Variants in SPIDR observed in about 807,000 individuals in gnomAD.
SPIDR encodes the protein DNA repair-scaffolding protein.
Under a neutral mutation model 104.6 loss-of-function variants are expected in SPIDR, and 93 were observed. The ratio of observed to expected loss-of-function variants is 0.89; its 90% confidence interval spans 0.75 to 1.06. The LOEUF is 1.06. SPIDR is among the 50% of genes least tolerant of loss of function. The pLI is 0.00. For missense variants in SPIDR, 1,154 were observed against 1,111.2 expected (o/e 1.04, Z -0.55); for synonymous variants, 431 against 416.9 (o/e 1.03, Z -0.41).
intron 10 of SPIDR, chr8:47,661,077 C>A: frequency 4.2e-6 from 2 of 480,010 alleles, no homozygotes; most frequent in Non-Finnish European, 5.4e-6. Flanking sequence ...GTCTTATAGT[C>A]ATGAAAGTGG....
chr8:47,447,539 A>G (rs1400105824), intron 8 of SPIDR, among the ~76,000 whole-genome samples: 2 of 152,182 alleles, frequency 1.3e-5, no homozygotes. Context: ...TAGATGGAAT[A>G]TAATCCTGGT....
At chr8:47,507,280 C>G (rs945775978) in intron 8 of SPIDR, among the ~76,000 whole-genome samples, 23 of 152,322 alleles carry the variant, frequency 1.5e-4, no homozygotes, top group African/African-American at 5.3e-4. Flanking sequence ...ATGATATGTG[C>G]CCATAAAGCG....
chr8:47,726,760 G>A (rs2084305185), intron 16 of SPIDR, among the ~76,000 whole-genome samples: 3 of 152,082 alleles, frequency 2.0e-5, no homozygotes. Context: ...TGGGGACAGG[G>A]TCTTGCCCTG....
At chr8:47,537,168 A>G (rs1342336280) in intron 8 of SPIDR, among the ~76,000 whole-genome samples, 1 of 152,244 alleles carries the variant, frequency 6.6e-6, no homozygotes, top group East Asian at 1.9e-4. Flanking sequence ...TTGTTACAAA[A>G]ATACACATAT....
intron 2 of SPIDR, among the ~76,000 whole-genome samples, chr8:47,282,803 T>C (rs782602583): frequency 1.3e-5 from 2 of 152,204 alleles, no homozygotes; most frequent in South Asian, 4.1e-4. Context: ...TAGCCTATCT[T>C]AGTTTTTGTC....
intron 8 of SPIDR, among the ~76,000 whole-genome samples, chr8:47,544,066 T>G (rs2088785168): frequency 6.6e-6 from 1 of 152,152 alleles, no homozygotes; most frequent in African/African-American, 2.4e-5. Context: ...TTTTTTAGGG[T>G]TTCTCTGTGG....
At chr8:47,542,338 A>G (rs1455546223) in intron 8 of SPIDR, among the ~76,000 whole-genome samples, 1 of 152,128 alleles carries the variant, frequency 6.6e-6, no homozygotes, top group East Asian at 1.9e-4. Flanking sequence ...GAATGTAACC[A>G]GAGGCAAATC....
At chr8:47,349,621 C>G (rs1554620879) in intron 5 of SPIDR, among the ~76,000 whole-genome samples, 1 of 152,232 alleles carries the variant, frequency 6.6e-6, no homozygotes. Flanking sequence ...GCAGTGGGCT[C>G]CAGCCAGTTC....
intron 5 of SPIDR, among the ~76,000 whole-genome samples, chr8:47,331,377 A>G (rs956787377): frequency 5.3e-5 from 8 of 152,200 alleles, no homozygotes; most frequent in Admixed American, 1.3e-4. Context: ...ACACACCTAC[A>G]CTATATGGTT....
chr8:47,291,820 G>C (rs1239269860), intron 4 of SPIDR, among the ~76,000 whole-genome samples: 3 of 152,154 alleles, frequency 2.0e-5, no homozygotes, highest in African/African-American at 7.2e-5. Context: ...GTGTGGTAGA[G>C]GTGTAACGTA....
Position 47,386,902 on chromosome 8 carries a change from G to GATATAGATAT in SPIDR, c.526-9473_526-9472insTATAGATATA, listed in dbSNP as rs1554648585. ...GGAGAGAGAGAGAGAAAGAGAGAGA[G>GATATAGATAT]AGATATAGATATAGATATAGATATA... On this transcript the variant is annotated intron_variant, in intron 5 of 19. Transcript: ENST00000297423. 5.0e-5 allele frequency among the ~76,000 whole-genome samples: 5 copies of GATATAGATAT among 99,402 alleles called. No homozygotes were observed. The South Asian group carries it at 9.4e-4, about 19-fold the overall frequency. The allele number at this position is 99,402 out of a possible 152,430, so 65.2% of individuals were successfully genotyped here. A position where few individuals can be genotyped will look rare whatever the true frequency, so the allele number is the denominator to read the frequency against.
chr8:47,290,963 C>A, intron 3 of SPIDR, 70 bp from the exon 4 acceptor site: 2 of 1,168,898 alleles, frequency 1.7e-6, no homozygotes, highest in Non-Finnish European at 2.4e-6. Flanking sequence ...AAATTACATG[C>A]ATAAAATTGT....
At chr8:47,487,318 A>C (rs559677308) in intron 8 of SPIDR, among the ~76,000 whole-genome samples, 45 of 152,330 alleles carry the variant, frequency 3.0e-4, no homozygotes, top group African/African-American at 1.1e-3. Flanking sequence ...ACCTAAATAT[A>C]TATGCACCCA....
At chr8:47,350,363 A>C (rs1320786542) in intron 5 of SPIDR, among the ~76,000 whole-genome samples, 1 of 152,144 alleles carries the variant, frequency 6.6e-6, no homozygotes, top group African/African-American at 2.4e-5. Flanking sequence ...ACCCATGCTG[A>C]AGTACAGTGG....
At chr8:47,567,971 A>G (rs984050838) in intron 8 of SPIDR, among the ~76,000 whole-genome samples, 2 of 151,686 alleles carry the variant, frequency 1.3e-5, no homozygotes, top group African/African-American at 4.8e-5. Flanking sequence ...ATTTTTATGT[A>G]GAGATGGCGG....
intron 10 of SPIDR, among the ~76,000 whole-genome samples, chr8:47,642,786 G>A (rs1291777216): frequency 6.6e-6 from 1 of 152,186 alleles, no homozygotes; most frequent in Non-Finnish European, 1.5e-5. Context: ...GTGCACGCCT[G>A]TAGTCTTAGC....
Position 47,735,283 on chromosome 8 carries a change from C to A in SPIDR, c.2605-24C>A, listed in dbSNP as rs562743951. ...GTACGTCCCAGGCTGTTTGCTTTAACCAGCGTGCCTTTTATCACTGCAGAG... is the reference window on the plus strand; with the variant it reads ...GTACGTCCCAGGCTGTTTGCTTTAAACAGCGTGCCTTTTATCACTGCAGAG... On this transcript the variant is annotated intron_variant, in intron 19 of 19. Transcript: ENST00000297423. The A allele has an allele frequency of 2.5e-6, 4 of 1,611,604 alleles. No homozygotes were observed. The African/African-American group carries it at 5.3e-5, about 21-fold the overall frequency.
At chr8:47,460,261 G>C (rs1408222771) in intron 8 of SPIDR, among the ~76,000 whole-genome samples, 1 of 151,988 alleles carries the variant, frequency 6.6e-6, no homozygotes, top group East Asian at 1.9e-4. Flanking sequence ...TATTTTTGTT[G>C]CTGTCTATCT....
At chr8:47,502,514 A>G (rs974645317) in intron 8 of SPIDR, among the ~76,000 whole-genome samples, 1 of 151,988 alleles carries the variant, frequency 6.6e-6, no homozygotes, top group Admixed American at 6.6e-5. Flanking sequence ...TATTGCGTCT[A>G]TTTGATTCTT....
Sources: gnomAD v4.1 joint callset for allele counts (sites outside exome capture counted in the v4.1 genomes callset) on GRCh38, gnomAD v4.1.1 for gene constraint, MANE v1.5 for transcripts, NCBI Gene and HGNC (gene_info 2026-07-23, HGNC 2026-07-21) for gene names.